RNASE4: variants seen among roughly 807,000 people sequenced by gnomAD.
RNASE4 encodes the protein ribonuclease 4.
For synonymous variants in RNASE4, 93 were observed against 71.4 expected, an observed-to-expected ratio of 1.30 and a Z score of -1.52; for missense variants, 194 against 192.8, an observed-to-expected ratio of 1.01 and a Z score of -0.04.
At chr14:20,698,036 T>G (rs1005436669) in intron 1 of RNASE4, among the ~76,000 whole-genome samples, 2 of 152,164 alleles carry the variant, frequency 1.3e-5, no homozygotes, top group African/African-American at 4.8e-5. Context: ...CTGAATATTT[T>G]GGGTGTGGGA....
At chr14:20,687,818 CCTT>C (rs1248278031) in intron 1 of RNASE4, among the ~76,000 whole-genome samples, 1 of 152,202 alleles carries the variant, frequency 6.6e-6, no homozygotes, top group Non-Finnish European at 1.5e-5. Context: ...TTTCTTGACA[CCTT>C]CTCAAGTGCA....
At chr14:20,697,464 C>A (rs1016246698) in intron 1 of RNASE4, among the ~76,000 whole-genome samples, 1 of 152,154 alleles carries the variant, frequency 6.6e-6, no homozygotes, top group Non-Finnish European at 1.5e-5. Context: ...GCTGCAGGCA[C>A]ACAGATATGA....
intron 1 of RNASE4, 126 bp from the exon 2 acceptor site, chr14:20,699,229 G>T (rs1887194792): frequency 5.5e-6 from 4 of 729,072 alleles, no homozygotes; most frequent in Admixed American, 2.9e-5. Context: ...TGAGTGGGGA[G>T]ATGGTGCATA....
intron 1 of RNASE4, among the ~76,000 whole-genome samples, chr14:20,690,121 A>G (rs1465037412): frequency 7.0e-6 from 1 of 143,814 alleles, no homozygotes; most frequent in Non-Finnish European, 1.5e-5. Flanking sequence ...AGGCTGAGGC[A>G]GGAGAATGGC....
chr14:20,693,056 C>T (rs1172506671), intron 1 of RNASE4, among the ~76,000 whole-genome samples: 1 of 151,700 alleles, frequency 6.6e-6, no homozygotes, highest in Non-Finnish European at 1.5e-5. Flanking sequence ...ACCGTGGTAG[C>T]CAGGATGGTC....
chr14:20,700,632 T>C lies in RNASE4; in HGVS notation c.*817T>C, dbSNP rs1384516557. The C allele has an allele frequency of 6.0e-6, 1 of 167,074 alleles. No individual in the cohort carries two copies. Among genetic ancestry groups the C allele is most frequent in the African/African-American group, 2.4e-5 (1 of 41,456 alleles). 10.3% of individuals were successfully genotyped at this position (167,074 alleles called of 1,614,324 possible). On this transcript the variant is annotated 3_prime_UTR_variant, in exon 2 of 2. Transcript: ENST00000555835. ...GTGCTATGGTATTATTTTTTTTCTC[T>C]GACTTTTAAATTCTTGTTTAGTTTA...
chr14:20,699,378 C>T lies in RNASE4; in HGVS notation c.7C>T (p.Leu3=). The T allele has an allele frequency of 6.3e-7, 1 of 1,594,556 alleles. No individual in the cohort carries two copies. Among genetic ancestry groups the T allele is most frequent in the Non-Finnish European group, 8.6e-7 (1 of 1,168,594 alleles). MA[L]QRTHSLLLLL... The stretch of plus-strand genomic sequence containing the variant: ...AGGCACCTCTAAGATACTGATGGCT[C>T]TGCAGAGGACCCATTCATTGCTTCT... The change falls in exon 2 of 2, where the codon CTG becomes TTG. Residue 3 remains leucine, a synonymous_variant. Transcript: ENST00000555835.
intron 1 of RNASE4, among the ~76,000 whole-genome samples, chr14:20,689,191 C>T (rs1210951624): frequency 1.3e-5 from 2 of 152,216 alleles, no homozygotes; most frequent in East Asian, 3.8e-4. Context: ...CTGTTACAGG[C>T]ATTACACGTG....
chr14:20,701,039 C>T lies in RNASE4; in HGVS notation c.*1224C>T, dbSNP rs547155241. The stretch of plus-strand genomic sequence containing the variant: ...ACAATTAGACTCAGGAGCTCCCCAC[C>T]AGAGCACCTTGTGACCCCCGCCCCT... On this transcript the variant is annotated 3_prime_UTR_variant, in exon 2 of 2. Transcript: ENST00000555835. The T allele has an allele frequency of 2.0e-5, 3 of 152,320 alleles. No individual in the cohort carries two copies. Among genetic ancestry groups the T allele is most frequent in the South Asian group, 4.1e-4 (2 of 4,820 alleles). 9.4% of individuals were successfully genotyped at this position (152,320 alleles called of 1,614,324 possible). A position where few individuals can be genotyped will look rare whatever the true frequency, so the allele number is the denominator to read the frequency against.
intron 1 of RNASE4, chr14:20,694,030 G>T: frequency 1.2e-6 from 2 of 1,613,662 alleles, no homozygotes; most frequent in Non-Finnish European, 1.7e-6. Flanking sequence ...CTGGTCAAGT[G>T]CTGGCTCTGC....
chr14:20,687,972 A>C (rs1886501610), intron 1 of RNASE4, among the ~76,000 whole-genome samples: 1 of 152,174 alleles, frequency 6.6e-6, no homozygotes, highest in South Asian at 2.1e-4. Context: ...CTGCTGTCTG[A>C]TATTGGAAAC....
intron 1 of RNASE4, among the ~76,000 whole-genome samples, chr14:20,685,948 G>A (rs926067856): frequency 1.3e-4 from 20 of 151,956 alleles, no homozygotes; most frequent in African/African-American, 4.1e-4. Context: ...GCTGAGACAG[G>A]AGACTCTCTT....
intron 1 of RNASE4, among the ~76,000 whole-genome samples, chr14:20,685,394 GAA>G (rs1378063787): frequency 6.6e-6 from 1 of 152,110 alleles, no homozygotes. Flanking sequence ...GGGGGCTAGG[GAA>G]ATCTCAGATG....
At chr14:20,698,178 C>T (rs1887155358) in intron 1 of RNASE4, among the ~76,000 whole-genome samples, 1 of 151,782 alleles carries the variant, frequency 6.6e-6, no homozygotes, top group Non-Finnish European at 1.5e-5. Flanking sequence ...TGTTGCCACT[C>T]TGGCTTTTTT....
intron 1 of RNASE4, chr14:20,693,558 G>A: frequency 6.2e-7 from 1 of 1,611,850 alleles, no homozygotes; most frequent in Non-Finnish European, 8.5e-7. Context: ...AGCCTGTGTT[G>A]GAAGAGATGG....
At position 20,699,687 on chromosome 14, in the gene RNASE4, G is replaced by T; in HGVS notation, c.316G>T (p.Val106Phe). ...GAACTGCCATGAGGGTGTAGTGAAG[G>T]TCACAGATTGCAGGGACACAGGAAG... ...KMNCHEGVVK[V>F]TDCRDTGSSR... The change falls in exon 2 of 2, where the codon GTC becomes TTC. Residue 106 changes from valine (V) to phenylalanine (F), a missense_variant. Coordinates refer to ENST00000555835, the MANE Select transcript of RNASE4 (RefSeq NM_002937.5). 1 of 1,610,142 alleles carries T rather than the reference G, an allele frequency of 6.2e-7. No individual in the cohort carries two copies. The highest frequency in any genetic ancestry group is 8.5e-7 in the Non-Finnish European group (1 of 1,180,000).
chr14:20,699,276 G>A (rs1887196777), intron 1 of RNASE4, 79 bp from the exon 2 acceptor site: 3 of 1,223,192 alleles, frequency 2.5e-6, no homozygotes, highest in South Asian at 1.5e-5. Context: ...GAGTCAGGAT[G>A]CCGGCTTGCT....
intron 1 of RNASE4, among the ~76,000 whole-genome samples, chr14:20,694,548 C>A (rs1359397306): frequency 6.6e-6 from 1 of 152,082 alleles, no homozygotes; most frequent in Non-Finnish European, 1.5e-5. Flanking sequence ...GATCCGCCCA[C>A]CTTGGCCTCT....
intron 1 of RNASE4, among the ~76,000 whole-genome samples, chr14:20,693,052 G>T (rs7143619): frequency 0.4 from 60,373 of 149,914 alleles, 13,922 homozygotes; most frequent in African/African-American, 0.65. Context: ...TTTCACCGTG[G>T]TAGCCAGGAT....
Sources: allele counts gnomAD v4.1 joint callset (sites outside exome capture counted in the v4.1 genomes callset), GRCh38; gene constraint gnomAD v4.1.1; transcripts MANE v1.5; gene names NCBI Gene and HGNC (gene_info 2026-07-23, HGNC 2026-07-21).